ACOXL: variants seen among roughly 807,000 people sequenced by gnomAD.
ACOXL encodes acyl-coenzyme A oxidase-like protein.
A neutral mutation model predicts 71.9 loss-of-function variants in ACOXL; 70 were observed. That is an observed-to-expected ratio of 0.97 (90% CI 0.80 to 1.19). ACOXL has a LOEUF of 1.19. ACOXL is among the 50% of genes most tolerant of loss of function. ACOXL has a pLI of 0.00. For missense variants in ACOXL, 703 were observed against 736.3 expected, an observed-to-expected ratio of 0.95 and a Z score of 0.52; for synonymous variants, 253 against 281.6, an observed-to-expected ratio of 0.90 and a Z score of 1.02.
intron 11 of ACOXL, among the ~76,000 whole-genome samples, chr2:110,925,871 T>C (rs2149312148): frequency 6.6e-6 from 1 of 151,538 alleles, no homozygotes; most frequent in South Asian, 2.1e-4. Context: ...TTTTTTTTTT[T>C]TTTAAAGCAT....
intron 12 of ACOXL, among the ~76,000 whole-genome samples, chr2:110,964,749 G>A (rs1373817467): frequency 1.3e-5 from 2 of 152,162 alleles, no homozygotes; most frequent in East Asian, 1.9e-4. Flanking sequence ...TACATGCCTT[G>A]AGTGTATAAT....
intron 10 of ACOXL, among the ~76,000 whole-genome samples, chr2:110,899,881 A>G (rs942687178): frequency 2.0e-5 from 3 of 152,136 alleles, no homozygotes; most frequent in Non-Finnish European, 4.4e-5. Flanking sequence ...GCTCCTCTCT[A>G]GGGTCGGCTG....
chr2:110,786,862 A>T (rs1381193675), intron 3 of ACOXL, among the ~76,000 whole-genome samples: 1 of 152,242 alleles, frequency 6.6e-6, no homozygotes, highest in African/African-American at 2.4e-5. Flanking sequence ...ATGAAAAATT[A>T]TGTATCAGTT....
intron 12 of ACOXL, chr2:110,963,485 AC>A (rs2061782382): frequency 7.8e-7 from 1 of 1,278,372 alleles, no homozygotes; most frequent in African/African-American, 1.5e-5. Context: ...ATGATTGTTT[AC>A]CTCTTTTCAA....
At chr2:111,050,800 GA>G (rs1489817498) in intron 16 of ACOXL, among the ~76,000 whole-genome samples, 3 of 152,196 alleles carry the variant, frequency 2.0e-5, no homozygotes, top group African/African-American at 7.2e-5. Context: ...CCCGACTTGG[GA>G]TGCCGCAGCC....
chr2:110,748,323 T>C (rs1678492032), intron 1 of ACOXL, among the ~76,000 whole-genome samples: 1 of 152,190 alleles, frequency 6.6e-6, no homozygotes, highest in African/African-American at 2.4e-5. Context: ...TCCCTTTTCC[T>C]CACTGCACTC....
chr2:110,760,665 G>C (rs1270407932), intron 1 of ACOXL, among the ~76,000 whole-genome samples: 1 of 152,184 alleles, frequency 6.6e-6, no homozygotes, highest in Non-Finnish European at 1.5e-5. Context: ...GATGGCCATG[G>C]CCAAGACAAG....
At chr2:110,891,155 C>T (rs962532640) in intron 10 of ACOXL, among the ~76,000 whole-genome samples, 1 of 151,886 alleles carries the variant, frequency 6.6e-6, no homozygotes. Flanking sequence ...TTTTTTAATT[C>T]TAACTGATTT....
chr2:111,039,427 G>A lies in ACOXL; in HGVS notation c.1369+7713G>A, dbSNP rs541378536. 9.3e-5 allele frequency among the ~76,000 whole-genome samples: 14 copies of A among 151,194 alleles called. No homozygotes were observed. The East Asian group carries it at 1.7e-3, about 19-fold the overall frequency. ...CCAAAAAGAAAAAAAAAAAGGCAGC[G>A]TTTATCCTCTGAGATACAATCGTTT... On this transcript the variant is annotated intron_variant, in intron 15 of 17. Coordinates refer to ENST00000439055, the MANE Select transcript of ACOXL (RefSeq NM_001142807.4).
intron 16 of ACOXL, among the ~76,000 whole-genome samples, chr2:111,087,595 C>A (rs1165050902): frequency 6.6e-6 from 1 of 152,140 alleles, no homozygotes. Flanking sequence ...GCTGGGATAA[C>A]TGACTAGCCA....
At chr2:110,875,429 G>A (rs982237080) in intron 10 of ACOXL, among the ~76,000 whole-genome samples, 41 of 152,322 alleles carry the variant, frequency 2.7e-4, no homozygotes, top group African/African-American at 9.6e-4. Flanking sequence ...TTACGCCTTT[G>A]ACATGCAAGA....
intron 12 of ACOXL, among the ~76,000 whole-genome samples, chr2:110,943,844 TG>T (rs1392684262): frequency 2.0e-5 from 3 of 152,012 alleles, no homozygotes; most frequent in Non-Finnish European, 4.4e-5. Context: ...GCATTTTATT[TG>T]TTTTTTTTAA....
chr2:111,102,971 G>A (rs1195826913), intron 17 of ACOXL, among the ~76,000 whole-genome samples: 1 of 152,158 alleles, frequency 6.6e-6, no homozygotes, highest in Non-Finnish European at 1.5e-5. Flanking sequence ...GACTCAAAGT[G>A]TTTGGTACTT....
intron 15 of ACOXL, among the ~76,000 whole-genome samples, chr2:111,045,991 A>G (rs2065999241): frequency 6.6e-6 from 1 of 152,218 alleles, no homozygotes; most frequent in Non-Finnish European, 1.5e-5. Flanking sequence ...AGTCTGGGAT[A>G]GGATCCAAGC....
chr2:110,748,679 G>A (rs1271170269), intron 1 of ACOXL, among the ~76,000 whole-genome samples: 1 of 152,176 alleles, frequency 6.6e-6, no homozygotes, highest in Non-Finnish European at 1.5e-5. Flanking sequence ...TCCTGGGAGT[G>A]GGGTGAATGC....
chr2:111,070,561 G>T lies in ACOXL; in HGVS notation c.1440+21273G>T, dbSNP rs1395815156. ...ACTGGATACTAAGCTTAGTACCTGG[G>T]TGATGAAATAATCTTTACAACAAAC... On this transcript the variant is annotated intron_variant, in intron 16 of 17. Transcript: ENST00000439055. Among the ~76,000 whole-genome samples, 3 of 152,160 alleles carry T rather than the reference G, an allele frequency of 2.0e-5. No individual in the cohort carries two copies. In the East Asian group the frequency reaches 5.8e-4, roughly 29 times the overall value.
chr2:110,886,991 T>A (rs1386229523), intron 10 of ACOXL: 5 of 1,033,976 alleles, frequency 4.8e-6, no homozygotes, highest in Non-Finnish European at 7.0e-6. Flanking sequence ...TCTGAGAATG[T>A]TGTGTGGCAA....
intron 8 of ACOXL, among the ~76,000 whole-genome samples, chr2:110,802,898 T>C (rs1213927707): frequency 6.6e-6 from 1 of 152,210 alleles, no homozygotes; most frequent in Non-Finnish European, 1.5e-5. Context: ...TTCCAAAAAA[T>C]TGATAAATGC....
intron 17 of ACOXL, among the ~76,000 whole-genome samples, chr2:111,105,641 C>T (rs2069486142): frequency 6.6e-6 from 1 of 152,016 alleles, no homozygotes; most frequent in Non-Finnish European, 1.5e-5. Context: ...GGAAATAAAA[C>T]TATTTTTATA....
Sources: allele counts gnomAD v4.1 joint callset (sites outside exome capture counted in the v4.1 genomes callset), GRCh38; gene constraint gnomAD v4.1.1; transcripts MANE v1.5; gene names NCBI Gene and HGNC (gene_info 2026-07-23, HGNC 2026-07-21).